DYNC1I2: variants seen among roughly 807,000 people sequenced by gnomAD.
DYNC1I2 encodes the protein dynein cytoplasmic 1 intermediate chain 2.
Under a neutral mutation model 88.6 loss-of-function variants are expected in DYNC1I2, and 53 were observed. That is an observed-to-expected ratio of 0.60 (90% confidence interval 0.48 to 0.75). The LOEUF is 0.75. Ranked by LOEUF, DYNC1I2 falls within the 30% of genes least tolerant of loss-of-function variation. The pLI, the probability that DYNC1I2 is intolerant of heterozygous loss-of-function variation, is 0.00. For synonymous variants in DYNC1I2, 198 were observed against 254.6 expected (o/e 0.78, Z 2.12); for missense variants, 458 against 766.6 (o/e 0.60, Z 4.75).
At chr2:171,746,143 A>T (rs557902257) in intron 17 of DYNC1I2, among the ~76,000 whole-genome samples, 1 of 152,332 alleles carries the variant, frequency 6.6e-6, no homozygotes, top group South Asian at 2.1e-4. Context: ...TGAGGGTAAT[A>T]CAATAAATAC....
At chr2:171,732,355 C>G (rs10204501) in intron 15 of DYNC1I2, among the ~76,000 whole-genome samples, 43,752 of 151,848 alleles carry the variant, frequency 0.29, 6,564 homozygotes, top group African/African-American at 0.37. Flanking sequence ...CAAAACTCCA[C>G]CTGAAAAAGT....
At chr2:171,690,117 T>C in intron 1 of DYNC1I2, 30 bp from the exon 2 acceptor site, 1 of 1,407,772 alleles carries the variant, frequency 7.1e-7, no homozygotes. Flanking sequence ...TGTGCTGCTT[T>C]TACTAACATA....
At chr2:171,707,471 G>T (rs373531108) in intron 5 of DYNC1I2, 94 bp downstream of exon 5, 5 of 1,059,084 alleles carry the variant, frequency 4.7e-6, no homozygotes, top group Non-Finnish European at 6.5e-6. Flanking sequence ...TAGTTGTGTC[G>T]AGTTAGTCCT....
chr2:171,726,395 G>A (rs778255495), intron 10 of DYNC1I2, 102 bp downstream of exon 10: 2 of 792,426 alleles, frequency 2.5e-6, no homozygotes, highest in Non-Finnish European at 3.9e-6. Flanking sequence ...AAATCAATAT[G>A]TGTTATTTAA....
chr2:171,739,862 T>C lies in DYNC1I2; in HGVS notation c.1537-4187T>C, dbSNP rs867000173. 3.3e-5 allele frequency among the ~76,000 whole-genome samples: 5 copies of C among 151,854 alleles called. No individual in the cohort carries two copies. The South Asian group carries it at 6.2e-4, about 19-fold the overall frequency. On this transcript the variant is annotated intron_variant, in intron 15 of 17. Transcript: ENST00000397119. The stretch of plus-strand genomic sequence containing the variant: ...CTGGGATCACAGGCGCCCGCCACCA[T>C]GCCTGGCTAATTTTTATATTTTTTG...
Position 171,715,378 on chromosome 2 carries a change from C to A in DYNC1I2, c.446C>A (p.Pro149His), listed in dbSNP as rs1365854650. 1.3e-6 allele frequency: 2 copies of A among 1,569,258 alleles called. No homozygotes were observed. The highest frequency in any genetic ancestry group is 1.7e-6 in the Non-Finnish European group (2 of 1,155,692). Reference sequence around the variant, plus strand: ...GCTAAAATCACGCAAGTCGACTTTCCTCCTCGAGAAATTGTCACGTATACA... The same window carrying A: ...GCTAAAATCACGCAAGTCGACTTTCATCCTCGAGAAATTGTCACGTATACA... Reference protein sequence around the residue: ...GMAKITQVDFPPREIVTYTKE... With the variant: ...GMAKITQVDFHPREIVTYTKE... The change falls in exon 7 of 18, where the codon CCT becomes CAT. Residue 149 changes from proline to histidine, a missense_variant. Physicochemically the swap from Pro to His is moderately conservative, Grantham distance 77. Around this residue, in one of 5 missense-constraint regions of DYNC1I2, gnomAD observed 203 missense variants for 354.2 expected, o/e 0.57. Transcript: ENST00000397119.
In DYNC1I2 at chr2:171,691,940, G is replaced by C. The variant is rs572770716; in HGVS notation, c.109-837G>C. ...TATTTTTATCAACAGTGAAGCATCA[G>C]CTTGATATTACAACCTGTTTTGTTA... On this transcript the variant is annotated intron_variant, in intron 2 of 17. Coordinates refer to ENST00000397119, the MANE Select transcript of DYNC1I2 (RefSeq NM_001378.3). 1.1e-4 allele frequency among the ~76,000 whole-genome samples: 16 copies of C among 152,234 alleles called. 1 individual carries two copies. Among genetic ancestry groups the C allele is most frequent in the Middle Eastern group, 3.4e-3 (1 of 294 alleles).
chr2:171,740,439 A>C (rs556497350), intron 15 of DYNC1I2, among the ~76,000 whole-genome samples: 1 of 152,262 alleles, frequency 6.6e-6, no homozygotes, highest in East Asian at 1.9e-4. Flanking sequence ...TACTCTGTGG[A>C]CTTCTGGAAA....
At chr2:171,695,224 C>T (rs1007082125) in intron 3 of DYNC1I2, among the ~76,000 whole-genome samples, 2 of 152,032 alleles carry the variant, frequency 1.3e-5, no homozygotes, top group African/African-American at 4.8e-5. Context: ...CTCAGCCTCC[C>T]AAGTAGCTGG....
At position 171,690,270 on chromosome 2, in the gene DYNC1I2, T is replaced by G. The variant is rs990384954; in HGVS notation, c.108+7T>G. ...AGAAAGGAAAAAAAAAGAAGTATGT[T>G]TGATTTTTTTGCTTAAATAAACAAC... On this transcript the variant is annotated splice_region_variant and intron_variant, in intron 2 of 17. Transcript: ENST00000397119. 5.2e-6 allele frequency: 8 copies of G among 1,530,062 alleles called. No individual in the cohort carries two copies. Among genetic ancestry groups the G allele is most frequent in the Admixed American group, 2.1e-5 (1 of 48,524 alleles). 94.8% of individuals were successfully genotyped at this position (1,530,062 alleles called of 1,614,324 possible).
In DYNC1I2 at chr2:171,748,439, A is replaced by G. The variant is rs964123350; in HGVS notation, c.*550A>G. The stretch of plus-strand genomic sequence containing the variant: ...TTTCAAATTTTCATTTTTACTCCTT[A>G]CAACTTGAATTTTTCCATCTTTTAT... On this transcript the variant is annotated 3_prime_UTR_variant, in exon 18 of 18. Transcript: ENST00000397119. The G allele has an allele frequency of 6.6e-6, 1 of 152,170 alleles. No homozygotes were observed. Among genetic ancestry groups the G allele is most frequent in the Non-Finnish European group, 1.5e-5 (1 of 68,030 alleles). The allele number at this position is 152,170 out of a possible 1,614,324, so 9.4% of individuals were successfully genotyped here. A position where few individuals can be genotyped will look rare whatever the true frequency, so the allele number is the denominator to read the frequency against.
At chr2:171,734,471 A>G (rs566179889) in intron 15 of DYNC1I2, among the ~76,000 whole-genome samples, 7 of 152,286 alleles carry the variant, frequency 4.6e-5, no homozygotes, top group African/African-American at 1.7e-4. Context: ...TTCTTTGCCA[A>G]TTAGGCTAGG....
intron 5 of DYNC1I2, among the ~76,000 whole-genome samples, chr2:171,708,446 T>G (rs1686852690): frequency 6.6e-6 from 1 of 152,210 alleles, no homozygotes; most frequent in Non-Finnish European, 1.5e-5. Context: ...CAGCTTGAAT[T>G]TGAGAAGTGC....
intron 15 of DYNC1I2, among the ~76,000 whole-genome samples, chr2:171,741,517 A>G (rs1689426726): frequency 6.6e-6 from 1 of 152,160 alleles, no homozygotes; most frequent in Non-Finnish European, 1.5e-5. Context: ...CTCACGACTA[A>G]TGATGTTGAA....
chr2:171,700,496 T>C (rs2105502767), intron 3 of DYNC1I2, among the ~76,000 whole-genome samples: 1 of 152,338 alleles, frequency 6.6e-6, no homozygotes, highest in South Asian at 2.1e-4. Flanking sequence ...TTATAAGTGA[T>C]GAAAGGCATT....
rs552581240 is a variant in DYNC1I2, at chr2:171,737,123, C to T, written c.1537-6926C>T. Among the ~76,000 whole-genome samples the T allele has an allele frequency of 1.3e-4, 20 of 152,256 alleles. No individual in the cohort carries two copies. The South Asian group carries it at 2.9e-3, about 22-fold the overall frequency. Reference sequence around the variant, plus strand: ...GAGAATCTGTTTCTTGTCTCTCTCCCGGCTTCTGATGGTTGCCAGCAATCC... The same window carrying T: ...GAGAATCTGTTTCTTGTCTCTCTCCTGGCTTCTGATGGTTGCCAGCAATCC... On this transcript the variant is annotated intron_variant, in intron 15 of 17. Coordinates refer to ENST00000397119, the MANE Select transcript of DYNC1I2 (RefSeq NM_001378.3).
At chr2:171,721,756 G>A (rs1687920324) in intron 7 of DYNC1I2, among the ~76,000 whole-genome samples, 1 of 152,110 alleles carries the variant, frequency 6.6e-6, no homozygotes, top group South Asian at 2.1e-4. Context: ...AGGATATTAA[G>A]TTATCTTAAA....
chr2:171,707,442 A>G (rs1686769067), intron 5 of DYNC1I2, 65 bp downstream of exon 5: 5 of 1,396,768 alleles, frequency 3.6e-6, no homozygotes, highest in Non-Finnish European at 4.9e-6. Flanking sequence ...TACTGTTGAT[A>G]CTTTAAAGGG....
At chr2:171,700,767 G>T (rs1478309481) in intron 3 of DYNC1I2, among the ~76,000 whole-genome samples, 1 of 152,124 alleles carries the variant, frequency 6.6e-6, no homozygotes, top group Non-Finnish European at 1.5e-5. Flanking sequence ...AAGTAGCTGG[G>T]ACTACAGGCG....
Sources: gnomAD v4.1 joint callset for allele counts (sites outside exome capture counted in the v4.1 genomes callset) on GRCh38, gnomAD v4.1.1 for gene constraint, gnomAD v4.1.1 regional missense constraint, MANE v1.5 for transcripts, NCBI Gene and HGNC (gene_info 2026-07-23, HGNC 2026-07-21) for gene names.